Variants in DOCK2 observed in about 807,000 individuals in gnomAD.
The protein encoded by DOCK2 is dedicator of cytokinesis 2.
In DOCK2, 87 loss-of-function variants were observed where a neutral mutation model predicts 248.9. The ratio of observed to expected loss-of-function variants is 0.35; its 90% CI spans 0.29 to 0.42. DOCK2 has a LOEUF of 0.42. DOCK2 is among the 10% of genes least tolerant of loss of function. DOCK2 has a pLI of 1.00. For synonymous variants in DOCK2, 805 were observed against 821.6 expected (o/e 0.98, Z 0.35); for missense variants, 1,747 against 2,300.2 (o/e 0.76, Z 4.92).
intron 5 of DOCK2, among the ~76,000 whole-genome samples, chr5:169,673,198 G>A (rs1191420735): frequency 2.0e-5 from 3 of 151,944 alleles, no homozygotes; most frequent in Non-Finnish European, 4.4e-5. Context: ...GTTCCTAGTT[G>A]GTTCCTCTGC....
intron 26 of DOCK2, among the ~76,000 whole-genome samples, chr5:169,810,034 A>G (rs1458492640): frequency 6.6e-6 from 1 of 152,112 alleles, no homozygotes; most frequent in African/African-American, 2.4e-5. Flanking sequence ...CCAGAGTGCT[A>G]TGAGGAGAGA....
intron 22 of DOCK2, among the ~76,000 whole-genome samples, chr5:169,720,178 T>C (rs1238185360): frequency 6.6e-6 from 1 of 152,210 alleles, no homozygotes; most frequent in Non-Finnish European, 1.5e-5. Flanking sequence ...CTGAGTCGGG[T>C]ATTCTAGGTT....
At chr5:169,873,232 G>A (rs969625953) in intron 27 of DOCK2, among the ~76,000 whole-genome samples, 2 of 152,196 alleles carry the variant, frequency 1.3e-5, no homozygotes, top group African/African-American at 4.8e-5. Context: ...AAGGGGTAAA[G>A]CCATTCAAGA....
intron 6 of DOCK2, among the ~76,000 whole-genome samples, chr5:169,676,527 T>A (rs955017709): frequency 3.3e-5 from 5 of 152,182 alleles, no homozygotes; most frequent in Non-Finnish European, 7.3e-5. Context: ...AGGGGCCCCC[T>A]TATTCACCTG....
chr5:170,002,133 C>T (rs901358718), intron 30 of DOCK2, among the ~76,000 whole-genome samples: 1 of 151,964 alleles, frequency 6.6e-6, no homozygotes, highest in Non-Finnish European at 1.5e-5. Flanking sequence ...TGCATAGACC[C>T]TGTGTCTTAG....
chr5:169,822,913 C>T (rs1768567511), intron 26 of DOCK2, among the ~76,000 whole-genome samples: 1 of 152,050 alleles, frequency 6.6e-6, no homozygotes, highest in South Asian at 2.1e-4. Context: ...ATCCAATAGA[C>T]ACAATAAAAA....
intron 27 of DOCK2, among the ~76,000 whole-genome samples, chr5:169,933,691 C>T (rs1205274163): frequency 1.3e-5 from 2 of 152,142 alleles, no homozygotes; most frequent in Non-Finnish European, 1.5e-5. Context: ...TAAGAGAGTA[C>T]CTGTGTGTAT....
intron 15 of DOCK2, among the ~76,000 whole-genome samples, chr5:169,709,826 T>C (rs1561623765): frequency 1.3e-5 from 2 of 152,342 alleles, no homozygotes; most frequent in South Asian, 2.1e-4. Context: ...TTATGTCAAG[T>C]TCTTAGAGCC....
chr5:169,659,761 A>T (rs544626288), intron 2 of DOCK2, among the ~76,000 whole-genome samples: 1 of 152,180 alleles, frequency 6.6e-6, no homozygotes, highest in Non-Finnish European at 1.5e-5. Flanking sequence ...CGGCATAAAC[A>T]TTCTGTGTTT....
intron 23 of DOCK2, among the ~76,000 whole-genome samples, chr5:169,750,800 A>C (rs771973300): frequency 1.7e-4 from 26 of 152,262 alleles, no homozygotes; most frequent in Admixed American, 2.6e-4. Context: ...TTATCGAAGA[A>C]GAATTTAAAG....
At chr5:169,639,490 G>T (rs75546961) in intron 1 of DOCK2, among the ~76,000 whole-genome samples, 34,057 of 152,120 alleles carry the variant, frequency 0.22, 4,705 homozygotes, top group African/African-American at 0.38. Context: ...AAATGGTCTG[G>T]GAAGAGGTGG....
At chr5:170,045,577 A>T (rs1756677893) in intron 38 of DOCK2, among the ~76,000 whole-genome samples, 1 of 152,188 alleles carries the variant, frequency 6.6e-6, no homozygotes, top group South Asian at 2.1e-4. Flanking sequence ...GCACGTAAAT[A>T]AAGGGTTTAG....
Position 170,055,375 on chromosome 5 carries a change from C to A in DOCK2, c.4284C>A (p.Asp1428Glu), listed in dbSNP as rs76688275. The A allele has an allele frequency of 6.2e-7, 1 of 1,613,952 alleles. No homozygotes were observed. The highest frequency in any genetic ancestry group is 1.7e-5 in the Admixed American group (1 of 60,024). Residue 1428 changes from aspartate to glutamate, a missense_variant, in exon 42 of 52, where the codon GAC becomes GAA. Asp to Glu is a conservative substitution (Grantham distance 45, BLOSUM62 2). Coordinates refer to ENST00000520908, the MANE Select transcript of DOCK2 (RefSeq NM_004946.3). Reference sequence around the variant, plus strand: ...GGTTCAAGAATAAGCCAGTGCCTGACCAGATTATAAAGTAAGACTCGTTGT... The same window carrying A: ...GGTTCAAGAATAAGCCAGTGCCTGAACAGATTATAAAGTAAGACTCGTTGT... ...HPRFKNKPVP[D>E]QIINFYKSNY...
intron 39 of DOCK2, among the ~76,000 whole-genome samples, chr5:170,046,178 C>T (rs996228299): frequency 2.0e-5 from 3 of 152,242 alleles, no homozygotes; most frequent in African/African-American, 7.2e-5. Flanking sequence ...ACCGCTGCTG[C>T]AGCCCCAATA....
intron 27 of DOCK2, among the ~76,000 whole-genome samples, chr5:169,862,910 A>G (rs1298315869): frequency 6.6e-6 from 1 of 152,198 alleles, no homozygotes; most frequent in Non-Finnish European, 1.5e-5. Flanking sequence ...GGGAATTACA[A>G]AATACCTTCT....
At chr5:169,748,399 A>T (rs1763726313) in intron 23 of DOCK2, among the ~76,000 whole-genome samples, 1 of 152,166 alleles carries the variant, frequency 6.6e-6, no homozygotes, top group Non-Finnish European at 1.5e-5. Context: ...ATGCCTGGTT[A>T]CAACCACCCG....
At chr5:169,745,560 G>C (rs1361336152) in intron 22 of DOCK2, among the ~76,000 whole-genome samples, 1 of 152,214 alleles carries the variant, frequency 6.6e-6, no homozygotes, top group Non-Finnish European at 1.5e-5. Context: ...CTGAGAGGCT[G>C]GGCTCAGGAG....
rs144377610 is a variant in DOCK2, at chr5:169,891,712, C to T, written c.2799+50860C>T. On this transcript the variant is annotated intron_variant, in intron 27 of 51. Coordinates refer to ENST00000520908, the MANE Select transcript of DOCK2 (RefSeq NM_004946.3). ...CAAAAAGAACAAAGTCAGCCGGGCA[C>T]GGTGGTTCACACCCATAATCCCAGC... is the stretch of plus-strand genomic sequence containing the variant. 4.3e-3 allele frequency among the ~76,000 whole-genome samples: 655 copies of T among 152,172 alleles called. 8 individuals are homozygous for T. The highest frequency in any genetic ancestry group is 0.015 in the African/African-American group (629 of 41,522).
chr5:170,005,292 G>T (rs1754984940), intron 30 of DOCK2, among the ~76,000 whole-genome samples: 1 of 152,176 alleles, frequency 6.6e-6, no homozygotes, highest in African/African-American at 2.4e-5. Context: ...ACCTTTTGAA[G>T]AATTTCTGTG....
Sources: gnomAD v4.1 joint callset for allele counts (sites outside exome capture counted in the v4.1 genomes callset) on GRCh38, gnomAD v4.1.1 for gene constraint, MANE v1.5 for transcripts, NCBI Gene and HGNC (gene_info 2026-07-23, HGNC 2026-07-21) for gene names.